Variants in IGFBP4 observed in about 807,000 individuals in gnomAD.
IGFBP4 encodes the protein insulin-like growth factor-binding protein 4.
In IGFBP4, 9 loss-of-function variants were observed where a neutral mutation model predicts 25.8. The observed-to-expected ratio is 0.35, with a 90% CI of 0.21 to 0.61. IGFBP4 has a LOEUF of 0.61. IGFBP4 is among the 20% of genes least tolerant of loss of function. The probability of loss-of-function intolerance (pLI) is 0.77; values close to 1 mark genes in which losing one functional copy is unlikely to be tolerated. For missense variants in IGFBP4, 315 were observed against 365.3 expected (o/e 0.86, Z 1.12); for synonymous variants, 153 against 153.9 (o/e 0.99, Z 0.05).
chr17:40,453,948 C>G lies in IGFBP4; in HGVS notation c.528C>G (p.Ser176Arg), dbSNP rs35584955. Residue 176 changes from serine to arginine, a missense_variant, in exon 3 of 4, where the codon AGC (serine) becomes AGG (arginine). By Grantham distance (110) the Ser-to-Arg change is moderately radical (BLOSUM62 -1). Coordinates refer to ENST00000269593, the MANE Select transcript of IGFBP4 (RefSeq NM_001552.3). This position sits in a 1 kb window ranked among gnomAD's most constrained non-coding sequence, Gnocchi z 4.0. ...ARPVPQGSCQ[S>R]ELHRALERLA... is the part of the protein sequence containing the mutation. Reference sequence around the variant, plus strand: ...TCCAGCCCCAGGGCTCCTGCCAGAGCGAGCTGCACCGGGCGCTGGAGCGGC... The same window carrying G: ...TCCAGCCCCAGGGCTCCTGCCAGAGGGAGCTGCACCGGGCGCTGGAGCGGC... 2 of 1,609,280 alleles carry G rather than the reference C, an allele frequency of 1.2e-6. No individual in the cohort carries two copies. The highest frequency in any genetic ancestry group is 1.7e-6 in the Non-Finnish European group (2 of 1,178,146).
intron 1 of IGFBP4, among the ~76,000 whole-genome samples, chr17:40,446,908 C>T (rs796898976): frequency 1.1e-4 from 16 of 152,328 alleles, no homozygotes; most frequent in African/African-American, 3.8e-4. Context: ...AAAAGGCACT[C>T]TCTAGAGTTC....
chr17:40,449,276 C>T (rs2035668020), intron 1 of IGFBP4, among the ~76,000 whole-genome samples: 1 of 152,130 alleles, frequency 6.6e-6, no homozygotes, highest in Non-Finnish European at 1.5e-5. Context: ...GGTAAACATC[C>T]CAAATATCCA....
At chr17:40,448,104 G>C (rs987216922) in intron 1 of IGFBP4, among the ~76,000 whole-genome samples, 3 of 152,246 alleles carry the variant, frequency 2.0e-5, no homozygotes, top group Non-Finnish European at 4.4e-5. Context: ...TAGAGTCTAG[G>C]GGAAGAGGGA....
At chr17:40,446,210 G>A (rs1443599888) in intron 1 of IGFBP4, among the ~76,000 whole-genome samples, 1 of 148,492 alleles carries the variant, frequency 6.7e-6, no homozygotes, top group Non-Finnish European at 1.5e-5. Flanking sequence ...AGTGGCTCAT[G>A]CCTGTAGTCC....
At chr17:40,444,831 AG>A (rs2035631425) in intron 1 of IGFBP4, among the ~76,000 whole-genome samples, 1 of 145,944 alleles carries the variant, frequency 6.9e-6, no homozygotes, top group Non-Finnish European at 1.5e-5. Flanking sequence ...GGAATAGAGA[AG>A]GGGCCAGGGC....
At position 40,443,957 on chromosome 17, in the gene IGFBP4, C is replaced by T; in HGVS notation, c.222C>T (p.Cys74=). The T allele has an allele frequency of 3.3e-6, 5 of 1,530,624 alleles. No individual in the cohort carries two copies. The highest frequency in any genetic ancestry group is 1.4e-5 in the African/African-American group (1 of 72,582). 94.8% of individuals were successfully genotyped at this position (1,530,624 alleles called of 1,614,324 possible). Residue 74 remains cysteine (C), a synonymous_variant, in exon 1 of 4, where the codon TGC becomes TGT. Transcript: ENST00000269593. ...GMPCGVYTPR[C]GSGLRCYPPR... ...CCTGCGGGGTGTACACCCCCCGTTG[C>T]GGCTCGGGCCTGCGCTGCTACCCGC...
Position 40,453,121 on chromosome 17 carries a change from C to T in IGFBP4, c.486C>T (p.Pro162=). 6.3e-7 allele frequency: 1 copy of T among 1,579,718 alleles called. No homozygotes were observed. Among genetic ancestry groups the T allele is most frequent in the Non-Finnish European group, 8.6e-7 (1 of 1,161,988 alleles). Residue 162 remains proline, a synonymous_variant, in exon 2 of 4, where the codon CCC becomes CCT. Transcript: ENST00000269593. This position sits in a 1 kb window ranked among gnomAD's most constrained non-coding sequence, Gnocchi z 4.0. ...SGGKMKVNGA[P]REDARPVPQG... is the part of the protein sequence containing the mutation. ...GCAAGATGAAGGTCAATGGGGCGCCCCGGGAGGATGCCCGGCCTGTGGTAA... is the reference window on the plus strand; with the variant it reads ...GCAAGATGAAGGTCAATGGGGCGCCTCGGGAGGATGCCCGGCCTGTGGTAA...
chr17:40,447,137 T>C (rs955416108), intron 1 of IGFBP4, among the ~76,000 whole-genome samples: 4 of 152,230 alleles, frequency 2.6e-5, no homozygotes, highest in Non-Finnish European at 5.9e-5. Context: ...GGGTGGCCAC[T>C]TGGCATGCCC....
chr17:40,444,356 G>A (rs2035628746), intron 1 of IGFBP4, among the ~76,000 whole-genome samples: 1 of 152,174 alleles, frequency 6.6e-6, no homozygotes, highest in Admixed American at 6.5e-5. Context: ...GGTCCCAGTG[G>A]GAGGCCTGGC....
intron 3 of IGFBP4, 152 bp from the exon 4 acceptor site, chr17:40,456,297 A>G: frequency 1.5e-6 from 1 of 677,830 alleles, no homozygotes; most frequent in Non-Finnish European, 2.5e-6. Flanking sequence ...AGCTCAGAAG[A>G]CCCATGCTCA....
chr17:40,447,535 A>G (rs2143737777), intron 1 of IGFBP4, among the ~76,000 whole-genome samples: 1 of 152,284 alleles, frequency 6.6e-6, no homozygotes, highest in East Asian at 1.9e-4. Flanking sequence ...ATGTCATGGG[A>G]ACAAGGGCAT....
At chr17:40,451,556 C>G (rs1244367473) in intron 1 of IGFBP4, among the ~76,000 whole-genome samples, 2 of 152,036 alleles carry the variant, frequency 1.3e-5, no homozygotes, top group African/African-American at 4.8e-5. Flanking sequence ...ATGGAGGAAC[C>G]TGCTAACTCC....
At chr17:40,444,883 A>AGAG (rs199622608) in intron 1 of IGFBP4, among the ~76,000 whole-genome samples, 23 of 105,464 alleles carry the variant, frequency 2.2e-4, no homozygotes, top group African/African-American at 8.8e-4. Context: ...AGAGAGAGAG[A>AGAG]AACACACACA....
chr17:40,446,308 C>T (rs1483648909), intron 1 of IGFBP4, among the ~76,000 whole-genome samples: 13 of 40,360 alleles, frequency 3.2e-4, no homozygotes, highest in East Asian at 7.3e-4. Context: ...GACTCTATTT[C>T]GTAAAAAAAA....
intron 1 of IGFBP4, among the ~76,000 whole-genome samples, chr17:40,451,828 T>C (rs1157669229): frequency 6.6e-6 from 1 of 152,116 alleles, no homozygotes; most frequent in African/African-American, 2.4e-5. Flanking sequence ...TTTAAAAAAA[T>C]GTATTTTATT....
At chr17:40,452,899 A>T (rs561833786) in intron 1 of IGFBP4, 86 bp from the exon 2 acceptor site, 11 of 1,135,696 alleles carry the variant, frequency 9.7e-6, no homozygotes, top group Non-Finnish European at 1.3e-5. Flanking sequence ...AATCCCCAGG[A>T]AGGAGAACGT....
intron 1 of IGFBP4, among the ~76,000 whole-genome samples, chr17:40,444,854 GAAAC>G (rs574432127): frequency 2.0e-5 from 3 of 149,688 alleles, no homozygotes; most frequent in Non-Finnish European, 3.0e-5. Flanking sequence ...CCAGGGGAGA[GAAAC>G]AGAGAGAGAG....
intron 1 of IGFBP4, among the ~76,000 whole-genome samples, chr17:40,449,642 G>C (rs2035671068): frequency 6.6e-6 from 1 of 152,040 alleles, no homozygotes; most frequent in African/African-American, 2.4e-5. Flanking sequence ...CCAGCTACTT[G>C]GGAGGCTGAG....
In IGFBP4 at chr17:40,451,568, C is replaced by A. The variant is rs377140157; in HGVS notation, c.350-1417C>A. On this transcript the variant is annotated intron_variant, in intron 1 of 3. Transcript: ENST00000269593. ...CGCATGGAGGAACCTGCTAACTCCT[C>A]AGGAAAAAAAAAACCCTGACGCAAA... is the stretch of plus-strand genomic sequence containing the variant. Among the ~76,000 whole-genome samples the A allele has an allele frequency of 8.8e-4, 134 of 151,814 alleles. No homozygotes were observed. The Middle Eastern group carries it at 0.01, about 12-fold the overall frequency.
Sources: gnomAD v4.1 joint callset for allele counts (sites outside exome capture counted in the v4.1 genomes callset) on GRCh38, gnomAD v4.1.1 for gene constraint, Gnocchi (gnomAD v3.1) non-coding constraint, MANE v1.5 for transcripts, NCBI Gene and HGNC (gene_info 2026-07-23, HGNC 2026-07-21) for gene names.